The following CACNA1C variants were observed in gnomAD, a reference collection of about 807,000 sequenced individuals.
CACNA1C encodes voltage-dependent L-type calcium channel subunit alpha-1C.
Under a neutral mutation model 229.0 loss-of-function variants are expected in CACNA1C, and 30 were observed. That is an observed-to-expected ratio of 0.13 (90% CI 0.10 to 0.18). CACNA1C has a LOEUF of 0.18. Among genes scored for constraint, CACNA1C ranks in the 10% least tolerant of loss-of-function variants. The pLI is 1.00. For missense variants in CACNA1C, 1,658 were observed against 2,845.0 expected, an observed-to-expected ratio of 0.58 and a Z score of 9.49; for synonymous variants, 1,114 against 1,132.5, an observed-to-expected ratio of 0.98 and a Z score of 0.33.
At position 2,651,986 on chromosome 12, in the gene CACNA1C, G is replaced by A. The variant is rs562196610; in HGVS notation, c.4074+218G>A. Among the ~76,000 whole-genome samples, 5 of 152,162 alleles carry A rather than the reference G, an allele frequency of 3.3e-5. No individual in the cohort carries two copies. The highest frequency in any genetic ancestry group is 3.9e-4 in the East Asian group (2 of 5,162). On this transcript the variant is annotated intron_variant, in intron 32 of 46. Coordinates refer to ENST00000399655, the MANE Select transcript of CACNA1C (RefSeq NM_000719.7). The surrounding 1 kb of genome is among the most constrained non-coding windows in gnomAD (Gnocchi z 5.4). ...GGCTCAGAGCCCCAGAAGGCCAGGT[G>A]GTAAAGGAGGGATGGGAGCTAAGGG...
Position 2,566,624 on chromosome 12 carries a change from A to G in CACNA1C, c.1669+42A>G. The G allele has an allele frequency of 1.3e-6, 2 of 1,539,332 alleles. No individual in the cohort carries two copies. The highest frequency in any genetic ancestry group is 1.9e-5 in the Admixed American group (1 of 53,056). On this transcript the variant is annotated intron_variant, in intron 12 of 46. Coordinates refer to ENST00000399655, the MANE Select transcript of CACNA1C (RefSeq NM_000719.7). The surrounding 1 kb of genome is among the most constrained non-coding windows in gnomAD (Gnocchi z 4.0). Reference sequence around the variant, plus strand: ...GCTCTGCTCTGGTTTCCTCCTGGTAACTCAGCCCCAAGGCCCAGGGGAGGG... The same window carrying G: ...GCTCTGCTCTGGTTTCCTCCTGGTAGCTCAGCCCCAAGGCCCAGGGGAGGG...
At chr12:2,247,123 T>G (rs1362067188) in intron 3 of CACNA1C, among the ~76,000 whole-genome samples, 5 of 152,238 alleles carry the variant, frequency 3.3e-5, no homozygotes, top group Admixed American at 6.5e-5. Flanking sequence ...TTCTGGAATT[T>G]TTTTCCAGTT....
chr12:2,210,775 C>A (rs2097895535), intron 3 of CACNA1C, among the ~76,000 whole-genome samples: 1 of 152,072 alleles, frequency 6.6e-6, no homozygotes, highest in Non-Finnish European at 1.5e-5. Flanking sequence ...ATGCAACATA[C>A]CTTTCTTGAT....
rs1403758219 is a variant in CACNA1C, at chr12:2,630,713, T to C, written c.3829-3584T>C. Among the ~76,000 whole-genome samples, 3 of 152,206 alleles carry C rather than the reference T, an allele frequency of 2.0e-5. No homozygotes were observed. The highest frequency in any genetic ancestry group is 4.4e-5 in the Non-Finnish European group (3 of 68,028). On this transcript the variant is annotated intron_variant, in intron 29 of 46. Coordinates refer to ENST00000399655, the MANE Select transcript of CACNA1C (RefSeq NM_000719.7). The surrounding 1 kb of genome is among the most constrained non-coding windows in gnomAD (Gnocchi z 5.4). ...ACCCTCACCCACTGCATTCCAGCTCTGTGGAAATCCCCCAGGGCTGGGGCA... is the reference window on the plus strand; with the variant it reads ...ACCCTCACCCACTGCATTCCAGCTCCGTGGAAATCCCCCAGGGCTGGGGCA...
intron 11 of CACNA1C, among the ~76,000 whole-genome samples, chr12:2,559,478 T>C (rs182473381): frequency 6.6e-6 from 1 of 152,242 alleles, no homozygotes; most frequent in African/African-American, 2.4e-5. Flanking sequence ...CCTGAGGCTT[T>C]GCTATGTGCT....
At position 2,601,181 on chromosome 12, in the gene CACNA1C, T is replaced by A. The variant is rs2071963209; in HGVS notation, c.2854-673T>A. On this transcript the variant is annotated intron_variant, in intron 21 of 46. Transcript: ENST00000399655. This position sits in a 1 kb window ranked among gnomAD's most constrained non-coding sequence, Gnocchi z 5.9. ...GACAGTAGAATTGAGTTTAGAATATTTGGCATCAATAATAAGCACCCTTTG... is the reference window on the plus strand; with the variant it reads ...GACAGTAGAATTGAGTTTAGAATATATGGCATCAATAATAAGCACCCTTTG... Among the ~76,000 whole-genome samples, 1 of 152,166 alleles carries A rather than the reference T, an allele frequency of 6.6e-6. No homozygotes were observed. Among genetic ancestry groups the A allele is most frequent in the Non-Finnish European group, 1.5e-5 (1 of 68,036 alleles).
chr12:2,355,241 G>A (rs2097326517), intron 3 of CACNA1C, among the ~76,000 whole-genome samples: 1 of 152,164 alleles, frequency 6.6e-6, no homozygotes, highest in South Asian at 2.1e-4. Flanking sequence ...CTCCTCCGGA[G>A]GGGGAGAAGC....
chr12:2,379,554 G>C (rs1255941225), intron 3 of CACNA1C, among the ~76,000 whole-genome samples: 4 of 152,252 alleles, frequency 2.6e-5, no homozygotes, highest in South Asian at 2.1e-4. Flanking sequence ...CCTCCTAGGA[G>C]TGTGAGGCTG....
chr12:2,426,578 G>A (rs955390440), intron 3 of CACNA1C, among the ~76,000 whole-genome samples: 3 of 152,206 alleles, frequency 2.0e-5, no homozygotes, highest in Non-Finnish European at 2.9e-5. Context: ...CTTGTGCTGC[G>A]TAACAAACTA....
intron 3 of CACNA1C, chr12:2,221,807 G>A (rs2061529324): frequency 6.6e-6 from 1 of 152,166 alleles, no homozygotes; most frequent in Admixed American, 6.5e-5. Flanking sequence ...AATCACCAGA[G>A]GGCTGGGTAA....
intron 8 of CACNA1C, among the ~76,000 whole-genome samples, chr12:2,507,144 T>C (rs190875233): frequency 6.6e-6 from 1 of 152,226 alleles, no homozygotes; most frequent in African/African-American, 2.4e-5. Flanking sequence ...AGTCTTTGAG[T>C]CGATACGCTG....
chr12:2,578,104 G>A (rs549389931), intron 13 of CACNA1C, among the ~76,000 whole-genome samples: 2,266 of 152,056 alleles, frequency 0.015, 65 homozygotes, highest in African/African-American at 0.052. Context: ...TCCTGACCTC[G>A]TGATCCGCCC....
At chr12:2,624,441 G>A (rs919736875) in intron 29 of CACNA1C, among the ~76,000 whole-genome samples, 5 of 152,254 alleles carry the variant, frequency 3.3e-5, no homozygotes, top group Admixed American at 6.5e-5. Context: ...GCCAGGGGCC[G>A]AGGCTCAGCA....
intron 3 of CACNA1C, among the ~76,000 whole-genome samples, chr12:2,123,423 GTTAT>G (rs1459783754): frequency 6.6e-6 from 1 of 151,526 alleles, no homozygotes; most frequent in Non-Finnish European, 1.5e-5. Flanking sequence ...TTAGTCTGAG[GTTAT>G]TTAGTCTTTC....
chr12:2,349,674 C>T (rs539526808), intron 3 of CACNA1C, among the ~76,000 whole-genome samples: 5 of 152,060 alleles, frequency 3.3e-5, no homozygotes, highest in Admixed American at 6.5e-5. Flanking sequence ...AGTGGTCCCA[C>T]GGATCTGGCT....
intron 9 of CACNA1C, among the ~76,000 whole-genome samples, chr12:2,518,095 C>G (rs2099801245): frequency 6.6e-6 from 1 of 152,092 alleles, no homozygotes. Flanking sequence ...GACTCGGGAG[C>G]CACTTTTGCA....
chr12:2,143,847 T>C (rs2094483723), intron 3 of CACNA1C, among the ~76,000 whole-genome samples: 1 of 150,990 alleles, frequency 6.6e-6, no homozygotes, highest in Admixed American at 6.7e-5. Flanking sequence ...TCCTATGATT[T>C]TTCTCCCTGC....
At chr12:2,077,747 C>T (rs1298625975) in intron 1 of CACNA1C, among the ~76,000 whole-genome samples, 1 of 152,020 alleles carries the variant, frequency 6.6e-6, no homozygotes. Context: ...TAAAGAGCTT[C>T]CTGTTCAGAG....
rs2050700633 is a variant in CACNA1C, at chr12:2,566,027, G to A, written c.1509-395G>A. On this transcript the variant is annotated intron_variant, in intron 11 of 46. Coordinates refer to ENST00000399655, the MANE Select transcript of CACNA1C (RefSeq NM_000719.7). This position sits in a 1 kb window ranked among gnomAD's most constrained non-coding sequence, Gnocchi z 4.0. ...TGAGAAGTGCCTGATGTGGTACTGG[G>A]CCCCTCCTCCACTGTTACTAATAAT... Among the ~76,000 whole-genome samples, 1 of 152,132 alleles carries A rather than the reference G, an allele frequency of 6.6e-6. No individual in the cohort carries two copies. Among genetic ancestry groups the A allele is most frequent in the African/African-American group, 2.4e-5 (1 of 41,430 alleles).
Sources: gnomAD v4.1 joint callset for allele counts (sites outside exome capture counted in the v4.1 genomes callset) on GRCh38, gnomAD v4.1.1 for gene constraint, Gnocchi (gnomAD v3.1) non-coding constraint, MANE v1.5 for transcripts, NCBI Gene and HGNC (gene_info 2026-07-23, HGNC 2026-07-21) for gene names.